The following ANO4 variants were observed in gnomAD, a reference collection of about 807,000 sequenced individuals.
ANO4 encodes anoctamin-4.
Under a neutral mutation model 141.9 loss-of-function variants are expected in ANO4, and 69 were observed. That is an observed-to-expected ratio of 0.49 (90% CI 0.40 to 0.59). The LOEUF is 0.59. Among genes scored for constraint, ANO4 ranks in the 20% least tolerant of loss-of-function variants. The pLI is 0.00. For synonymous variants in ANO4, 350 were observed against 394.3 expected, an observed-to-expected ratio of 0.89 and a Z score of 1.33; for missense variants, 894 against 1,162.2, an observed-to-expected ratio of 0.77 and a Z score of 3.36.
intron 3 of ANO4, among the ~76,000 whole-genome samples, chr12:100,751,180 C>T (rs1001986196): frequency 2.6e-5 from 4 of 152,086 alleles, no homozygotes; most frequent in African/African-American, 7.2e-5. Flanking sequence ...AAGATTCAGC[C>T]GAGAGCCATC....
intron 6 of ANO4, among the ~76,000 whole-genome samples, chr12:100,973,252 C>T (rs2044008101): frequency 2.6e-5 from 4 of 152,282 alleles, no homozygotes; most frequent in East Asian, 1.9e-4. Context: ...AGACAAATAA[C>T]TCTAGTCTAA....
rs140947620 is a variant in ANO4 at position 101,070,380 on chromosome 12, C to T, written c.1313-8813C>T. On this transcript the variant is annotated intron_variant, in intron 14 of 27. Coordinates refer to ENST00000392977, the MANE Select transcript of ANO4 (RefSeq NM_001286615.2). ...AACAAATCCACACACTTACAGTGAA[C>T]TCATTTTTGACAAAGTTGCCAAGAA... 1.8e-3 allele frequency among the ~76,000 whole-genome samples: 280 copies of T among 152,266 alleles called. 1 individual carries two copies. Among genetic ancestry groups the T allele is most frequent in the African/African-American group, 6.5e-3 (269 of 41,544 alleles).
Position 100,803,397 on chromosome 12 carries a change from A to C in ANO4, c.-141+8370A>C, listed in dbSNP as rs916955649. Among the ~76,000 whole-genome samples the C allele has an allele frequency of 2.6e-5, 4 of 152,234 alleles. No individual in the cohort carries two copies. The South Asian group carries it at 8.3e-4, about 31-fold the overall frequency. On this transcript the variant is annotated intron_variant, in intron 1 of 27. Transcript: ENST00000392977. ...TGTCAGTGAATAAACAACATTTACA[A>C]GAACAAATTCTGCCCAATATAGAAC... is the stretch of plus-strand genomic sequence containing the variant.
At chr12:101,119,454 A>C (rs1224787575) in intron 25 of ANO4, among the ~76,000 whole-genome samples, 1 of 152,026 alleles carries the variant, frequency 6.6e-6, no homozygotes, top group African/African-American at 2.4e-5. Context: ...ATTCTGTCTC[A>C]ACATAAAAGA....
intron 3 of ANO4, among the ~76,000 whole-genome samples, chr12:100,927,515 A>G (rs1313977699): frequency 6.6e-6 from 1 of 152,126 alleles, no homozygotes; most frequent in Non-Finnish European, 1.5e-5. Context: ...AGAGGTAAGC[A>G]TTTTAAAATA....
chr12:101,027,379 TGCCTGCTGCCTAA>T (rs1055033332), intron 9 of ANO4, among the ~76,000 whole-genome samples: 1 of 152,168 alleles, frequency 6.6e-6, no homozygotes, highest in Admixed American at 6.5e-5. Flanking sequence ...CAGCTGCTGC[TGCCTGCTGCCTAA>T]GCCATTTGAG....
intron 1 of ANO4, among the ~76,000 whole-genome samples, chr12:100,726,505 G>A (rs750095698): frequency 1.3e-5 from 2 of 152,220 alleles, no homozygotes; most frequent in South Asian, 2.1e-4. Context: ...GGGCCTTAAA[G>A]TTAAGCTGTA....
upstream of ANO4, among the ~76,000 whole-genome samples, chr12:100,792,810 T>C (rs1040703316): frequency 6.6e-6 from 1 of 152,208 alleles, no homozygotes; most frequent in Non-Finnish European, 1.5e-5. Flanking sequence ...TTAAATAATA[T>C]TCCCTTATTA....
intron 1 of ANO4, among the ~76,000 whole-genome samples, chr12:100,724,084 A>T (rs2030993632): frequency 1.3e-5 from 2 of 152,258 alleles, no homozygotes; most frequent in African/African-American, 4.8e-5. Flanking sequence ...ATAATAAGGC[A>T]TGAATCTTTA....
intron 14 of ANO4, among the ~76,000 whole-genome samples, chr12:101,055,246 T>A (rs887367691): frequency 6.6e-6 from 1 of 152,236 alleles, no homozygotes; most frequent in African/African-American, 2.4e-5. Flanking sequence ...CCTAACTTAG[T>A]AAGAAATTGT....
At chr12:100,764,723 G>T (rs17030567) in intron 3 of ANO4, among the ~76,000 whole-genome samples, 22,349 of 152,170 alleles carry the variant, frequency 0.15, 1,917 homozygotes, top group Non-Finnish European at 0.19. Context: ...TGGTCACCTG[G>T]TAATTACCTT....
At chr12:100,756,640 G>A (rs917926279) in intron 3 of ANO4, among the ~76,000 whole-genome samples, 7 of 152,066 alleles carry the variant, frequency 4.6e-5, no homozygotes, top group East Asian at 3.9e-4. Flanking sequence ...GAGCCACTGC[G>A]CCCGGCCTCA....
intron 1 of ANO4, among the ~76,000 whole-genome samples, chr12:100,732,607 T>C (rs949952112): frequency 6.6e-5 from 10 of 152,256 alleles, no homozygotes; most frequent in African/African-American, 2.4e-4. Flanking sequence ...ATCTTGTCTT[T>C]GGCGTTATAT....
chr12:100,750,941 G>T (rs957983470), intron 3 of ANO4, among the ~76,000 whole-genome samples: 4 of 152,176 alleles, frequency 2.6e-5, no homozygotes, highest in Admixed American at 2.6e-4. Flanking sequence ...TGTATGGTGT[G>T]TGTGTGTGGT....
intron 3 of ANO4, among the ~76,000 whole-genome samples, chr12:100,786,814 A>G (rs1333283351): frequency 1.3e-5 from 2 of 152,224 alleles, no homozygotes; most frequent in Admixed American, 1.3e-4. Context: ...TTAAATTTTA[A>G]TAAATGAGCT....
intron 1 of ANO4, among the ~76,000 whole-genome samples, chr12:100,875,747 G>A (rs549445512): frequency 1.3e-5 from 2 of 152,228 alleles, no homozygotes; most frequent in African/African-American, 4.8e-5. Flanking sequence ...GGATATAAGA[G>A]CAACAGAGGA....
chr12:101,057,203 C>T (rs567451843), intron 14 of ANO4, among the ~76,000 whole-genome samples: 1 of 152,078 alleles, frequency 6.6e-6, no homozygotes, highest in Non-Finnish European at 1.5e-5. Context: ...TTTATGGCTG[C>T]ATAGTATTCC....
At chr12:100,748,054 G>A (rs562053518) in intron 3 of ANO4, among the ~76,000 whole-genome samples, 1 of 152,064 alleles carries the variant, frequency 6.6e-6, no homozygotes, top group Non-Finnish European at 1.5e-5. Context: ...TTATATTGAC[G>A]GGGAAGATGT....
intron 5 of ANO4, among the ~76,000 whole-genome samples, chr12:100,961,764 A>G (rs1395975555): frequency 6.6e-6 from 1 of 152,182 alleles, no homozygotes; most frequent in Admixed American, 6.5e-5. Flanking sequence ...CAGTCAGCAC[A>G]TCTCAATTTG....
Sources: allele counts gnomAD v4.1 joint callset (sites outside exome capture counted in the v4.1 genomes callset), GRCh38; gene constraint gnomAD v4.1.1; transcripts MANE v1.5; gene names NCBI Gene and HGNC (gene_info 2026-07-23, HGNC 2026-07-21).